VSTM5: variants seen among roughly 807,000 people sequenced by gnomAD.
VSTM5 encodes the protein V-set and transmembrane domain-containing protein 5.
VSTM5 carries 21 observed loss-of-function variants against 20.3 expected under a neutral mutation model. That is an observed-to-expected ratio of 1.03 (90% CI 0.73 to 1.49). The LOEUF (loss-of-function observed/expected upper bound fraction) is 1.49, where lower values mean the gene tolerates loss of function less well. VSTM5 is among the 40% of genes most tolerant of loss of function. The probability of loss-of-function intolerance (pLI) is 0.00; values close to 1 mark genes in which losing one functional copy is unlikely to be tolerated. For synonymous variants in VSTM5, 100 were observed against 102.5 expected (o/e 0.98, Z 0.14); for missense variants, 219 against 250.0 (o/e 0.88, Z 0.84).
Position 93,820,999 on chromosome 11 carries a change from G to C in VSTM5, c.416C>G (p.Ser139Cys), listed in dbSNP as rs1172135217. Residue 139 changes from serine to cysteine, a missense_variant and splice_region_variant, in exon 2 of 4, where the codon TCT becomes TGT. Ser to Cys is a moderately radical substitution (Grantham distance 112, BLOSUM62 -1). Coordinates refer to ENST00000409977, the MANE Select transcript of VSTM5 (RefSeq NM_001144871.2). ...CCCGGGGCCCTGGGATGTCTTACCA[G>C]AGACGTGCAGCACGATGGTGCCAAA... is the stretch of plus-strand genomic sequence containing the variant. ...SQFGTIVLHVSEILYEDLHFV... is the reference protein window; with the variant it reads ...SQFGTIVLHVCEILYEDLHFV... 6.4e-7 allele frequency: 1 copy of C among 1,551,578 alleles called. No individual in the cohort carries two copies. The highest frequency in any genetic ancestry group is 1.2e-5 in the South Asian group (1 of 84,060).
At chr11:93,822,063 A>G (rs1944191357) in intron 1 of VSTM5, 1 of 151,910 alleles carries the variant, frequency 6.6e-6, no homozygotes, top group South Asian at 2.1e-4. Context: ...TATGTTATCT[A>G]CTTTATAATT....
At chr11:93,839,761 T>C (rs577959094) in intron 1 of VSTM5, among the ~76,000 whole-genome samples, 3 of 152,298 alleles carry the variant, frequency 2.0e-5, no homozygotes, top group South Asian at 2.1e-4. Context: ...TTGCCTGTTA[T>C]GGTTTGAATA....
chr11:93,820,918 C>T (rs1401612438), intron 2 of VSTM5, 35 bp from the exon 3 acceptor site: 5 of 1,550,910 alleles, frequency 3.2e-6, no homozygotes, highest in Middle Eastern at 1.7e-4. Context: ...GGGAAGACAA[C>T]ATTTCTTTTA....
Position 93,819,506 on chromosome 11 carries a change from C to T in VSTM5, c.*1063G>A, listed in dbSNP as rs1479662887. ...CGTTTTCCAGTATAGCTTTCCAGAT[C>T]CTTGAAGAAGCCTCATGCATTTCGT... On this transcript the variant is annotated 3_prime_UTR_variant, in exon 4 of 4. Coordinates refer to ENST00000409977, the MANE Select transcript of VSTM5 (RefSeq NM_001144871.2). The T allele has an allele frequency of 1.3e-5, 2 of 152,212 alleles. No homozygotes were observed. Among genetic ancestry groups the T allele is most frequent in the African/African-American group, 4.8e-5 (2 of 41,440 alleles). The allele number at this position is 152,212 out of a possible 1,614,324, so 9.4% of individuals were successfully genotyped here.
chr11:93,830,763 T>C (rs1235195684), intron 1 of VSTM5, among the ~76,000 whole-genome samples: 1 of 150,700 alleles, frequency 6.6e-6, no homozygotes, highest in Non-Finnish European at 1.5e-5. Flanking sequence ...TTGGTTCTTT[T>C]TTTTTTTTTT....
chr11:93,837,262 C>T (rs979948620), intron 1 of VSTM5, among the ~76,000 whole-genome samples: 3 of 152,144 alleles, frequency 2.0e-5, no homozygotes, highest in Admixed American at 2.0e-4. Context: ...GAACTCCTGA[C>T]CTCGGGTGAT....
chr11:93,842,291 T>G (rs1944376687), intron 1 of VSTM5, among the ~76,000 whole-genome samples: 1 of 152,206 alleles, frequency 6.6e-6, no homozygotes, highest in South Asian at 2.1e-4. Flanking sequence ...AGGAGGAGGC[T>G]GGTTCTTCTG....
chr11:93,832,730 G>A (rs904847420), intron 1 of VSTM5, among the ~76,000 whole-genome samples: 4 of 152,092 alleles, frequency 2.6e-5, no homozygotes, highest in African/African-American at 9.7e-5. Flanking sequence ...TTCCCTTCCC[G>A]GGCACTTGCT....
chr11:93,849,477 G>A (rs1267910542), intron 1 of VSTM5, among the ~76,000 whole-genome samples: 1 of 152,206 alleles, frequency 6.6e-6, no homozygotes, highest in Non-Finnish European at 1.5e-5. Context: ...CTGTGCCTCA[G>A]TTTCCTCACT....
At chr11:93,836,717 T>G (rs182715489) in intron 1 of VSTM5, among the ~76,000 whole-genome samples, 38 of 152,348 alleles carry the variant, frequency 2.5e-4, no homozygotes, top group Admixed American at 1.8e-3. Context: ...TATACACTTG[T>G]GTGGGTATTT....
intron 1 of VSTM5, among the ~76,000 whole-genome samples, chr11:93,849,703 A>G (rs1262604991): frequency 6.6e-6 from 1 of 152,378 alleles, no homozygotes; most frequent in East Asian, 1.9e-4. Context: ...ATTAAATGAG[A>G]AAGTAAAACT....
intron 1 of VSTM5, among the ~76,000 whole-genome samples, chr11:93,822,979 T>G (rs1944202484): frequency 6.6e-6 from 1 of 152,174 alleles, no homozygotes; most frequent in Non-Finnish European, 1.5e-5. Context: ...GTGGTCAAGG[T>G]TACTAACAGG....
At chr11:93,838,847 G>T (rs970477730) in intron 1 of VSTM5, among the ~76,000 whole-genome samples, 1 of 152,176 alleles carries the variant, frequency 6.6e-6, no homozygotes, top group Non-Finnish European at 1.5e-5. Context: ...AAGAAAGCCT[G>T]ACAGCCAAGA....
At chr11:93,825,819 A>G (rs1591397284) in intron 1 of VSTM5, among the ~76,000 whole-genome samples, 1 of 149,992 alleles carries the variant, frequency 6.7e-6, no homozygotes, top group African/African-American at 2.5e-5. Context: ...CCCAGGCTGG[A>G]GTGCAGTGGT....
At chr11:93,828,610 G>A (rs144270311) in intron 1 of VSTM5, among the ~76,000 whole-genome samples, 1 of 152,254 alleles carries the variant, frequency 6.6e-6, no homozygotes, top group African/African-American at 2.4e-5. Context: ...TGCCAACATA[G>A]TCTCTGCATT....
chr11:93,831,267 G>A (rs1471923110), intron 1 of VSTM5, among the ~76,000 whole-genome samples: 2 of 151,984 alleles, frequency 1.3e-5, no homozygotes, highest in African/African-American at 2.4e-5. Flanking sequence ...GGGCTCAAGC[G>A]AACCTCCCAC....
chr11:93,839,797 C>T (rs990327647), intron 1 of VSTM5, among the ~76,000 whole-genome samples: 4 of 152,168 alleles, frequency 2.6e-5, no homozygotes, highest in African/African-American at 7.2e-5. Context: ...GATATGTTGA[C>T]GTCCTAACCA....
chr11:93,837,407 C>T lies in VSTM5; in HGVS notation c.91+13005G>A, dbSNP rs187398931. Among the ~76,000 whole-genome samples the T allele has an allele frequency of 2.2e-3, 329 of 152,204 alleles. 1 individual carries two copies. The highest frequency in any genetic ancestry group is 0.01 in the Middle Eastern group (3 of 294). On this transcript the variant is annotated intron_variant, in intron 1 of 3. Transcript: ENST00000409977. ...GCATGTGCATGCACCCATGCTGCTA[C>T]GTATGCCCTCATGCACACACAGCCC... is the stretch of plus-strand genomic sequence containing the variant.
At chr11:93,825,882 G>T (rs1408285528) in intron 1 of VSTM5, among the ~76,000 whole-genome samples, 1 of 150,658 alleles carries the variant, frequency 6.6e-6, no homozygotes, top group African/African-American at 2.4e-5. Flanking sequence ...AGAAATAAAT[G>T]AAATAGAGAC....
Sources: gnomAD v4.1 joint callset for allele counts (sites outside exome capture counted in the v4.1 genomes callset) on GRCh38, gnomAD v4.1.1 for gene constraint, MANE v1.5 for transcripts, NCBI Gene and HGNC (gene_info 2026-07-23, HGNC 2026-07-21) for gene names.